Variants in UBA2 observed in about 807,000 individuals in gnomAD.
UBA2 encodes the protein SUMO-activating enzyme subunit 2.
A neutral mutation model predicts 77.2 loss-of-function variants in UBA2; 11 were observed. The observed-to-expected ratio is 0.14, with a 90% CI of 0.09 to 0.24. UBA2 has a LOEUF of 0.24. Among genes scored for constraint, UBA2 ranks in the 10% least tolerant of loss-of-function variants. UBA2 has a pLI of 1.00. For missense variants in UBA2, 487 were observed against 781.7 expected (o/e 0.62, Z 4.50); for synonymous variants, 278 against 276.7 (o/e 1.00, Z -0.05).
chr19:34,450,410 C>T, intron 9 of UBA2, 46 bp downstream of exon 9: 1 of 1,385,880 alleles, frequency 7.2e-7, no homozygotes, highest in Non-Finnish European at 1.0e-6. Context: ...TGGAAATATC[C>T]TCGCGTAAAG....
At chr19:34,439,980 C>T (rs1459416121) in intron 6 of UBA2, among the ~76,000 whole-genome samples, 1 of 151,982 alleles carries the variant, frequency 6.6e-6, no homozygotes, top group East Asian at 1.9e-4. Context: ...GATAATAAGA[C>T]CATGGTAGTA....
rs1177005446 is a variant in UBA2 at position 34,438,574 on chromosome 19, G to T, written c.460-71G>T. 4 of 1,570,246 alleles carry T rather than the reference G, an allele frequency of 2.5e-6. No homozygotes were observed. In the East Asian group the frequency reaches 9.0e-5, roughly 35 times the overall value. On this transcript the variant is annotated intron_variant, in intron 5 of 16. Transcript: ENST00000246548. ...TAGTTGGAATATAGATGAATGAAGT[G>T]TTTATATTACCTTATAATGTTGAGA...
In UBA2 at chr19:34,466,917, T is replaced by A. The variant is rs758334467; in HGVS notation, c.1644T>A (p.Gly548=). Residue 548 remains glycine, a synonymous_variant, in exon 16 of 17, where the codon GGT becomes GGA. Transcript: ENST00000246548. ...AGGACGTTGAATTTGAAGTTGTTGG[T>A]GATGCCCCGGAAAAAGTGGGGCCCA... ...LGKDVEFEVV[G]DAPEKVGPKQ... is the part of the protein sequence containing the mutation. 9 of 1,613,738 alleles carry A rather than the reference T, an allele frequency of 5.6e-6. No individual in the cohort carries two copies. The highest frequency in any genetic ancestry group is 1.7e-5 in the Admixed American group (1 of 59,996).
At chr19:34,440,143 G>T (rs1018272531) in intron 6 of UBA2, among the ~76,000 whole-genome samples, 7 of 151,996 alleles carry the variant, frequency 4.6e-5, no homozygotes, top group African/African-American at 1.7e-4. Flanking sequence ...GGCCAACATG[G>T]CGAAACCCCG....
chr19:34,465,189 ATGGGTAGC>A (rs2075674592), intron 15 of UBA2, among the ~76,000 whole-genome samples: 1 of 152,192 alleles, frequency 6.6e-6, no homozygotes, highest in Non-Finnish European at 1.5e-5. Flanking sequence ...CTTGAGATTT[ATGGGTAGC>A]ATCTAACAAA....
intron 14 of UBA2, among the ~76,000 whole-genome samples, chr19:34,463,353 GGT>G (rs2075652653): frequency 6.6e-6 from 1 of 152,098 alleles, no homozygotes. Flanking sequence ...AATGTTTTAG[GGT>G]ACTAGGGCCT....
intron 5 of UBA2, 141 bp from the exon 6 acceptor site, chr19:34,438,502 ATT>A (rs2075334434): frequency 4.9e-6 from 5 of 1,019,410 alleles, no homozygotes; most frequent in Non-Finnish European, 7.2e-6. Context: ...TAAAGTAAGC[ATT>A]TTGGAGTCAC....
chr19:34,464,097 C>T lies in UBA2; in HGVS notation c.1570C>T (p.Gln524Ter). The T allele has an allele frequency of 6.2e-7, 1 of 1,613,256 alleles. No homozygotes were observed. The highest frequency in any genetic ancestry group is 8.5e-7 in the Non-Finnish European group (1 of 1,179,258). The change falls in exon 15 of 17, where the codon CAG (glutamine) becomes TAG (stop). Residue 524 changes from glutamine to a stop codon, truncating the protein, a stop_gained. Coordinates refer to ENST00000246548, the MANE Select transcript of UBA2 (RefSeq NM_005499.3). LOFTEE classifies it high-confidence loss of function. ...GSRLQADDFL[Q>*]DYTLLINILH... ...CCGGCTTCAAGCAGATGACTTCCTC[C>T]AGGACTATACTTTATTGATCAACAT... is the stretch of plus-strand genomic sequence containing the variant.
rs113959168 is a variant in UBA2, at chr19:34,454,426, C to CT, written c.1133-6dup. The CT allele has an allele frequency of 0.039, 44,095 of 1,125,448 alleles. No homozygotes were observed. The highest frequency in any genetic ancestry group is 0.044 in the Non-Finnish European group (35,723 of 810,018). 69.7% of individuals were successfully genotyped at this position (1,125,448 alleles called of 1,614,324 possible). Reference sequence around the variant, plus strand: ...TTTTAAACAGTGAAACATACTCATCCTTTTTTTTTTTTCCCAGCAATGGCA... The same window carrying CT: ...TTTTAAACAGTGAAACATACTCATCCTTTTTTTTTTTTTCCCAGCAATGGCA... On this transcript the variant is annotated splice_polypyrimidine_tract_variant and intron_variant, in intron 11 of 16. Transcript: ENST00000246548.
chr19:34,446,218 C>G (rs545042197), intron 8 of UBA2, among the ~76,000 whole-genome samples: 1 of 152,252 alleles, frequency 6.6e-6, no homozygotes, highest in Non-Finnish European at 1.5e-5. Context: ...TTTCTCAGCT[C>G]TTATCAAACT....
intron 8 of UBA2, among the ~76,000 whole-genome samples, chr19:34,446,957 T>C (rs1240576148): frequency 6.6e-6 from 1 of 152,130 alleles, no homozygotes; most frequent in Non-Finnish European, 1.5e-5. Context: ...CTACAGCCCT[T>C]TTCTAAAACA....
rs1273276179 is a variant in UBA2 at position 34,471,063 on chromosome 19, C to G, written c.*1842C>G. On this transcript the variant is annotated 3_prime_UTR_variant, in exon 17 of 17. Coordinates refer to ENST00000246548, the MANE Select transcript of UBA2 (RefSeq NM_005499.3). ...GCCAGACCGCCAGTAGGTGGAGTAG[C>G]ACTGTCTTCCTGGTCCCGGACCTCA... 1 of 152,188 alleles carries G rather than the reference C, an allele frequency of 6.6e-6. No individual in the cohort carries two copies. The highest frequency in any genetic ancestry group is 1.5e-5 in the Non-Finnish European group (1 of 68,058). 9.4% of individuals were successfully genotyped at this position (152,188 alleles called of 1,614,324 possible).
intron 10 of UBA2, 136 bp from the exon 11 acceptor site, chr19:34,454,124 G>T (rs1036318515): frequency 9.1e-6 from 7 of 773,042 alleles, no homozygotes; most frequent in Middle Eastern, 3.9e-4. Flanking sequence ...TAGCTGACTG[G>T]TCTTTCCCTC....
At chr19:34,435,272 C>G (rs1394445476) in intron 5 of UBA2, among the ~76,000 whole-genome samples, 1 of 152,182 alleles carries the variant, frequency 6.6e-6, no homozygotes, top group Non-Finnish European at 1.5e-5. Context: ...GTGGCCGGCG[C>G]CTGTAATCCC....
Position 34,452,156 on chromosome 19 carries a change from T to A in UBA2, c.1038+9T>A. 1 of 1,572,132 alleles carries A rather than the reference T, an allele frequency of 6.4e-7. No homozygotes were observed. The highest frequency in any genetic ancestry group is 8.7e-7 in the Non-Finnish European group (1 of 1,153,504). On this transcript the variant is annotated intron_variant, in intron 10 of 16. Coordinates refer to ENST00000246548, the MANE Select transcript of UBA2 (RefSeq NM_005499.3). ...AGCTCATATGGGATAAGGTTCGTTT[T>A]GACAATGTGTGGCAAGTACTTACAT...
intron 12 of UBA2, 110 bp from the exon 13 acceptor site, chr19:34,458,659 G>C: frequency 1.1e-6 from 1 of 943,994 alleles, no homozygotes; most frequent in South Asian, 2.5e-5. Context: ...ATCTGGACGG[G>C]AATTTTTAAG....
At chr19:34,459,045 T>C in intron 13 of UBA2, 121 bp downstream of exon 13, 1 of 1,080,224 alleles carries the variant, frequency 9.3e-7, no homozygotes, top group Non-Finnish European at 1.3e-6. Context: ...TGTGATTTCC[T>C]GGGTTATTTT....
chr19:34,460,950 A>G (rs2075624177), intron 14 of UBA2, among the ~76,000 whole-genome samples: 1 of 152,230 alleles, frequency 6.6e-6, no homozygotes, highest in African/African-American at 2.4e-5. Flanking sequence ...TATATAGCAG[A>G]AAGATTATTG....
At chr19:34,433,486 A>G (rs2075277391) in intron 4 of UBA2, 74 bp downstream of exon 4, 1 of 1,044,346 alleles carries the variant, frequency 9.6e-7, no homozygotes, top group Non-Finnish European at 1.5e-6. Flanking sequence ...CAAATTTAAT[A>G]TTTATTAGAC....
Sources: gnomAD v4.1 joint callset for allele counts (sites outside exome capture counted in the v4.1 genomes callset) on GRCh38, gnomAD v4.1.1 for gene constraint, MANE v1.5 for transcripts, NCBI Gene and HGNC (gene_info 2026-07-23, HGNC 2026-07-21) for gene names.